Variants in HADHA observed in about 807,000 individuals in gnomAD.
HADHA encodes trifunctional enzyme subunit alpha, mitochondrial.
In HADHA, 59 loss-of-function variants were observed where a neutral mutation model predicts 91.3. That is an observed-to-expected ratio of 0.65 (90% CI 0.52 to 0.80). The LOEUF (loss-of-function observed/expected upper bound fraction) is 0.80. Ranked by LOEUF, HADHA falls within the 30% of genes least tolerant of loss-of-function variation. The pLI is 0.00. For missense variants in HADHA, 800 were observed against 927.6 expected (o/e 0.86, Z 1.79); for synonymous variants, 320 against 338.9 (o/e 0.94, Z 0.61).
chr2:26,213,665 T>G (rs1670154235), intron 9 of HADHA, among the ~76,000 whole-genome samples: 1 of 152,188 alleles, frequency 6.6e-6, no homozygotes, highest in Admixed American at 6.5e-5. Context: ...CTCATGGTAA[T>G]TGTTGCCTCC....
intron 7 of HADHA, among the ~76,000 whole-genome samples, chr2:26,218,198 G>A (rs1670283981): frequency 6.6e-6 from 1 of 151,988 alleles, no homozygotes. Context: ...TATCCAGGAG[G>A]CTGAGATAGG....
In HADHA at chr2:26,244,567, G is replaced by T; in HGVS notation, c.30C>A (p.Leu10=). 1.9e-6 allele frequency: 3 copies of T among 1,588,370 alleles called. No homozygotes were observed. The highest frequency in any genetic ancestry group is 2.6e-6 in the Non-Finnish European group (3 of 1,166,942). Residue 10 remains leucine (L), a synonymous_variant, in exon 1 of 20, where the codon CTC becomes CTA. Transcript: ENST00000380649. ...GGATCCTGAAGGCAGAAAAGCGGCT[G>T]AGGATGCCAATCGCCCGGCAGGCCA... MVACRAIGI[L]SRFSAFRILR...
chr2:26,197,310 T>C (rs1669702284), intron 14 of HADHA, among the ~76,000 whole-genome samples: 1 of 152,182 alleles, frequency 6.6e-6, no homozygotes, highest in Admixed American at 6.5e-5. Flanking sequence ...CCACCATTCC[T>C]GCCATTCCCT....
chr2:26,198,029 C>T (rs550390870), intron 13 of HADHA, among the ~76,000 whole-genome samples: 1 of 152,270 alleles, frequency 6.6e-6, no homozygotes, highest in South Asian at 2.1e-4. Flanking sequence ...CTTATCCTGA[C>T]CTGGAGACTA....
In HADHA at chr2:26,212,482, T is replaced by G. The variant is rs180926415; in HGVS notation, c.975+88A>C. The G allele has an allele frequency of 3.2e-6, 3 of 936,112 alleles. No homozygotes were observed. In the South Asian group the frequency reaches 3.9e-5, roughly 12 times the overall value. The allele number at this position is 936,112 out of a possible 1,614,324, so 58.0% of individuals were successfully genotyped here. ...AAAAATTTTTACTAGGCTTTGGATA[T>G]TTTTTTCCTTTTTCAGCTTTATACA... is the stretch of plus-strand genomic sequence containing the variant. On this transcript the variant is annotated intron_variant, in intron 10 of 19. Coordinates refer to ENST00000380649, the MANE Select transcript of HADHA (RefSeq NM_000182.5).
rs1315188332 is a variant in HADHA at position 26,191,493 on chromosome 2, A to T, written c.2136T>A (p.Pro712=). The change falls in exon 19 of 20, where the codon CCT becomes CCA. Residue 712 remains proline, a synonymous_variant. Coordinates refer to ENST00000380649, the MANE Select transcript of HADHA (RefSeq NM_000182.5). ...IGAVFGLGFP[P]CLGGPFRFVD... ...ACCTGCGAGACCAACCTCCCAGACA[A>T]GGCGGGAAGCCAAGCCCAAAGACGG... The T allele has an allele frequency of 6.2e-7, 1 of 1,614,156 alleles. No homozygotes were observed. Among genetic ancestry groups the T allele is most frequent in the East Asian group, 2.2e-5 (1 of 44,878 alleles).
chr2:26,232,129 T>C (rs1339273677), intron 6 of HADHA, 31 bp downstream of exon 6: 1 of 1,556,342 alleles, frequency 6.4e-7, no homozygotes, highest in African/African-American at 1.3e-5. Context: ...AAAGAGGGCA[T>C]ATAGCTTCAC....
At chr2:26,237,452 C>G (rs1670789620) in intron 3 of HADHA, among the ~76,000 whole-genome samples, 1 of 152,202 alleles carries the variant, frequency 6.6e-6, no homozygotes, top group East Asian at 1.9e-4. Context: ...CATAATGGAA[C>G]CTTGCCTCTA....
At chr2:26,192,554 A>G in intron 17 of HADHA, 130 bp from the exon 18 acceptor site, 1 of 707,720 alleles carries the variant, frequency 1.4e-6, no homozygotes, top group South Asian at 1.4e-5. Flanking sequence ...TGGGAGGCCG[A>G]GGCGGAGGAT....
intron 16 of HADHA, among the ~76,000 whole-genome samples, chr2:26,194,093 C>T (rs72849156): frequency 0.036 from 5,441 of 152,240 alleles, 328 homozygotes; most frequent in African/African-American, 0.12. Context: ...TCATGACCAA[C>T]AGAAGAAACA....
chr2:26,225,245 G>A (rs1670459145), intron 7 of HADHA, among the ~76,000 whole-genome samples: 1 of 152,076 alleles, frequency 6.6e-6, no homozygotes, highest in South Asian at 2.1e-4. Context: ...AGCACTTTGG[G>A]AGGCTGAGGC....
chr2:26,211,801 T>TA (rs921040952), intron 10 of HADHA: 12 of 152,282 alleles, frequency 7.9e-5, no homozygotes, highest in African/African-American at 2.7e-4. Context: ...AGCTGGTACA[T>TA]ACATCTCTTC....
intron 11 of HADHA, among the ~76,000 whole-genome samples, chr2:26,208,672 A>T (rs1166575102): frequency 6.6e-6 from 1 of 152,152 alleles, no homozygotes; most frequent in Non-Finnish European, 1.5e-5. Context: ...TTTTTGTAGA[A>T]TGTGTAAAGA....
At position 26,190,893 on chromosome 2, in the gene HADHA, T is replaced by C. The variant is rs760489197; in HGVS notation, c.*357A>G. On this transcript the variant is annotated 3_prime_UTR_variant, in exon 20 of 20. Coordinates refer to ENST00000380649, the MANE Select transcript of HADHA (RefSeq NM_000182.5). ...ATGCTGACACAGAGTTTGGTTTTTATTGTTATGTGTTTGGCTGGGTGCAGA... is the reference window on the plus strand; with the variant it reads ...ATGCTGACACAGAGTTTGGTTTTTACTGTTATGTGTTTGGCTGGGTGCAGA... 5.4e-6 allele frequency: 2 copies of C among 370,432 alleles called. No individual in the cohort carries two copies. Among genetic ancestry groups the C allele is most frequent in the Non-Finnish European group, 1.0e-5 (2 of 199,482 alleles). 22.9% of individuals were successfully genotyped at this position (370,432 alleles called of 1,614,324 possible).
Position 26,201,144 on chromosome 2 carries a change from C to A in HADHA, c.1392+5G>T. The stretch of plus-strand genomic sequence containing the variant: ...AGGATTCAAGTACAACAGCCCCTTG[C>A]TTACCGCTTCTACTTCCTTTAGCAC... On this transcript the variant is annotated splice_donor_5th_base_variant and intron_variant, in intron 13 of 19. Coordinates refer to ENST00000380649, the MANE Select transcript of HADHA (RefSeq NM_000182.5). 6.2e-7 allele frequency: 1 copy of A among 1,607,714 alleles called. No homozygotes were observed.
At chr2:26,231,699 G>A (rs1670626871) in intron 6 of HADHA, among the ~76,000 whole-genome samples, 1 of 152,126 alleles carries the variant, frequency 6.6e-6, no homozygotes, top group Non-Finnish European at 1.5e-5. Flanking sequence ...AGGCATGGTG[G>A]TTCATGCCTG....
chr2:26,195,062 ACT>A (rs1558315387), intron 15 of HADHA, 28 bp downstream of exon 15: 3 of 1,594,630 alleles, frequency 1.9e-6, no homozygotes, highest in Non-Finnish European at 2.6e-6. Flanking sequence ...CTTTTCAAAA[ACT>A]CTGCAGCTCT....
rs1670172376 is a variant in HADHA, at chr2:26,214,494, T to G, written c.867A>C (p.Lys289Asn). Residue 289 changes from lysine (K) to asparagine (N), a missense_variant, in exon 9 of 20, where the codon AAA becomes AAC. By Grantham distance (94) the Lys-to-Asn change is moderately conservative. Transcript: ENST00000380649. The surrounding 1 kb of genome is among the most constrained non-coding windows in gnomAD (Gnocchi z 4.1). Reference sequence around the variant, plus strand: ...AAAGGCCTTTAGTCTGCTTTCGCACTTTTTCTTCCACTTTTTTGTAAACCT... The same window carrying G: ...AAAGGCCTTTAGTCTGCTTTCGCACGTTTTCTTCCACTTTTTTGTAAACCT... ...RQQVYKKVEE[K>N]VRKQTKGLYP... The G allele has an allele frequency of 1.2e-6, 2 of 1,606,612 alleles. No homozygotes were observed. Among genetic ancestry groups the G allele is most frequent in the African/African-American group, 2.7e-5 (2 of 74,770 alleles).
intron 11 of HADHA, among the ~76,000 whole-genome samples, chr2:26,208,311 G>A (rs181772495): frequency 7.2e-5 from 11 of 151,826 alleles, no homozygotes; most frequent in Non-Finnish European, 1.2e-4. Context: ...GCTTTTTGTG[G>A]GTGCTGTCTT....
Sources: allele counts gnomAD v4.1 joint callset (sites outside exome capture counted in the v4.1 genomes callset), GRCh38; gene constraint gnomAD v4.1.1; non-coding constraint Gnocchi (gnomAD v3.1); transcripts MANE v1.5; gene names NCBI Gene and HGNC (gene_info 2026-07-23, HGNC 2026-07-21).